The following MAGI2 variants were observed in gnomAD, a reference collection of about 807,000 sequenced individuals.
MAGI2 encodes membrane-associated guanylate kinase, WW and PDZ domain-containing protein 2.
In MAGI2, 35 loss-of-function variants were observed where a neutral mutation model predicts 133.3. The observed-to-expected ratio is 0.26, with a 90% CI of 0.20 to 0.35. The LOEUF is 0.35. Ranked by LOEUF, MAGI2 falls within the 10% of genes least tolerant of loss-of-function variation. MAGI2 has a pLI of 1.00. For synonymous variants in MAGI2, 729 were observed against 710.6 expected, an observed-to-expected ratio of 1.03 and a Z score of -0.41; for missense variants, 1,636 against 1,863.4, an observed-to-expected ratio of 0.88 and a Z score of 2.25.
At chr7:79,106,015 T>C (rs1268477956) in intron 1 of MAGI2, among the ~76,000 whole-genome samples, 1 of 152,174 alleles carries the variant, frequency 6.6e-6, no homozygotes, top group Non-Finnish European at 1.5e-5. Context: ...TAACAAAAAC[T>C]ATGCTGGAAT....
intron 2 of MAGI2, among the ~76,000 whole-genome samples, chr7:78,836,977 A>T (rs539822388): frequency 6.6e-6 from 1 of 152,332 alleles, no homozygotes; most frequent in Non-Finnish European, 1.5e-5. Context: ...AATAACTAGA[A>T]TTCTTGCTGT....
At chr7:79,186,707 ATATATATATATTTATACAAAAG>A (rs1255581533) in intron 1 of MAGI2, among the ~76,000 whole-genome samples, 2 of 132,124 alleles carry the variant, frequency 1.5e-5, no homozygotes, top group Non-Finnish European at 3.1e-5. Context: ...ATACAAAAGT[ATATATATATATTTATACAAAAG>A]TATATATATA....
Position 79,122,648 on chromosome 7 carries a change from C to CT in MAGI2, c.302-115443dup, listed in dbSNP as rs1042120289. Among the ~76,000 whole-genome samples the CT allele has an allele frequency of 3.6e-3, 524 of 145,614 alleles. 1 individual carries two copies. Among genetic ancestry groups the CT allele is most frequent in the African/African-American group, 0.01 (414 of 40,088 alleles). ...AATTATTAAAGATTTTAATATATTA[C>CT]TTTTTTTTTTTTTGAGATGGAGTTT... is the stretch of plus-strand genomic sequence containing the variant. On this transcript the variant is annotated intron_variant, in intron 1 of 21. Transcript: ENST00000354212.
chr7:79,350,948 T>G (rs2129109458), intron 1 of MAGI2, among the ~76,000 whole-genome samples: 1 of 152,194 alleles, frequency 6.6e-6, no homozygotes, highest in East Asian at 1.9e-4. Context: ...AAACAGTGCA[T>G]TGAGAAAAGT....
chr7:78,041,021 A>T (rs569110193), intron 21 of MAGI2, among the ~76,000 whole-genome samples: 42 of 152,188 alleles, frequency 2.8e-4, no homozygotes, highest in African/African-American at 1.0e-3. Flanking sequence ...GTTGATGGGG[A>T]AAGATTGAAA....
chr7:78,355,086 A>C (rs1217649694), intron 7 of MAGI2, among the ~76,000 whole-genome samples: 1 of 152,218 alleles, frequency 6.6e-6, no homozygotes, highest in Non-Finnish European at 1.5e-5. Context: ...TTAACATACT[A>C]TGTCTAAAAT....
chr7:78,561,235 G>C (rs12705588), intron 3 of MAGI2, among the ~76,000 whole-genome samples: 1 of 151,964 alleles, frequency 6.6e-6, no homozygotes, highest in Non-Finnish European at 1.5e-5. Flanking sequence ...GGTAGGTGTG[G>C]GCTCACGAGA....
chr7:79,182,728 A>T (rs1337584916), intron 1 of MAGI2, among the ~76,000 whole-genome samples: 8 of 151,860 alleles, frequency 5.3e-5, no homozygotes, highest in Non-Finnish European at 1.0e-4. Context: ...AGATACCCAA[A>T]CTCCCATGTT....
intron 1 of MAGI2, among the ~76,000 whole-genome samples, chr7:79,183,224 T>C (rs1025825249): frequency 1.3e-5 from 2 of 151,866 alleles, no homozygotes; most frequent in African/African-American, 4.8e-5. Context: ...CATATAAAAA[T>C]AATAAATACT....
At chr7:78,999,957 T>C (rs116452422) in intron 2 of MAGI2, among the ~76,000 whole-genome samples, 220 of 152,306 alleles carry the variant, frequency 1.4e-3, no homozygotes, top group Non-Finnish European at 2.9e-3. Context: ...AAGAATATGC[T>C]TTACACTCTA....
chr7:79,336,579 T>C (rs968944751), intron 1 of MAGI2, among the ~76,000 whole-genome samples: 1 of 152,140 alleles, frequency 6.6e-6, no homozygotes, highest in African/African-American at 2.4e-5. Flanking sequence ...GAAATTCAAA[T>C]AGTGTGTGTG....
At chr7:78,542,791 G>A (rs1172042090) in intron 3 of MAGI2, among the ~76,000 whole-genome samples, 1 of 152,134 alleles carries the variant, frequency 6.6e-6, no homozygotes, top group Non-Finnish European at 1.5e-5. Flanking sequence ...GTGAAGTCAA[G>A]GATTTTGGCA....
chr7:78,853,790 T>C (rs1793384059), intron 2 of MAGI2, among the ~76,000 whole-genome samples: 1 of 152,034 alleles, frequency 6.6e-6, no homozygotes, highest in African/African-American at 2.4e-5. Context: ...AATTTCCACA[T>C]TCACCCCTCT....
intron 2 of MAGI2, among the ~76,000 whole-genome samples, chr7:78,831,603 C>T (rs1584068657): frequency 6.6e-6 from 1 of 152,264 alleles, no homozygotes; most frequent in Non-Finnish European, 1.5e-5. Flanking sequence ...CAACTAACTT[C>T]ATTGATCTTG....
chr7:78,813,580 T>C (rs1319117523), intron 2 of MAGI2, among the ~76,000 whole-genome samples: 1 of 151,848 alleles, frequency 6.6e-6, no homozygotes, highest in East Asian at 1.9e-4. Flanking sequence ...GGTCAGGAGA[T>C]CGAGACCATC....
intron 10 of MAGI2, among the ~76,000 whole-genome samples, chr7:78,208,541 T>A (rs1465710398): frequency 6.6e-6 from 1 of 152,180 alleles, no homozygotes; most frequent in Non-Finnish European, 1.5e-5. Context: ...TTATTTATGT[T>A]CTGAGCAAGA....
At chr7:78,982,053 C>T (rs1022843988) in intron 2 of MAGI2, among the ~76,000 whole-genome samples, 3 of 151,698 alleles carry the variant, frequency 2.0e-5, no homozygotes, top group African/African-American at 7.3e-5. Context: ...GTATTCTTTC[C>T]CTGTGAAGAA....
At chr7:78,031,649 G>GTTC (rs57663923) in intron 21 of MAGI2, among the ~76,000 whole-genome samples, 2 of 152,140 alleles carry the variant, frequency 1.3e-5, no homozygotes, top group East Asian at 3.9e-4. Flanking sequence ...CTAGAATCGT[G>GTTC]TTCTTCTTCT....
chr7:79,229,905 T>C (rs1831209213), intron 1 of MAGI2, among the ~76,000 whole-genome samples: 1 of 150,158 alleles, frequency 6.7e-6, no homozygotes, highest in African/African-American at 2.4e-5. Context: ...TAAATCATCA[T>C]CTAGCATTAG....
Sources: gnomAD v4.1 joint callset for allele counts (sites outside exome capture counted in the v4.1 genomes callset) on GRCh38, gnomAD v4.1.1 for gene constraint, MANE v1.5 for transcripts, NCBI Gene and HGNC (gene_info 2026-07-23, HGNC 2026-07-21) for gene names.